The following PRDM16 variants were observed in gnomAD, a reference collection of about 807,000 sequenced individuals.
PRDM16 encodes PR/SET domain 16.
PRDM16 carries 23 observed loss-of-function variants against 110.6 expected under a neutral mutation model. The ratio of observed to expected loss-of-function variants is 0.21; its 90% CI spans 0.15 to 0.29. The LOEUF (loss-of-function observed/expected upper bound fraction) is 0.29, where lower values mean the gene tolerates loss of function less well. PRDM16 is among the 10% of genes least tolerant of loss of function. The probability of loss-of-function intolerance (pLI) is 1.00; values close to 1 mark genes in which losing one functional copy is unlikely to be tolerated. For missense variants in PRDM16, 1,615 were observed against 1,794.3 expected (o/e 0.90, Z 1.81); for synonymous variants, 799 against 781.8 (o/e 1.02, Z -0.37).
chr1:3,155,263 C>T lies in PRDM16; in HGVS notation c.38-30862C>T, dbSNP rs138275597. Among the ~76,000 whole-genome samples, 158 of 152,362 alleles carry T rather than the reference C, an allele frequency of 1.0e-3. 1 individual carries two copies. The highest frequency in any genetic ancestry group is 3.8e-3 in the African/African-American group (158 of 41,594). On this transcript the variant is annotated intron_variant, in intron 1 of 16. Transcript: ENST00000270722. The stretch of plus-strand genomic sequence containing the variant: ...AAGGCAGGCGGTGGGACCCGGGGCC[C>T]ATGGCTCCTTTCTTGGAGGGTTTTG...
At chr1:3,225,425 C>T (rs969553229) in intron 2 of PRDM16, among the ~76,000 whole-genome samples, 3 of 152,106 alleles carry the variant, frequency 2.0e-5, no homozygotes, top group Admixed American at 1.3e-4. Context: ...CGCTGGTCCC[C>T]GTCGGCCTCT....
rs1639734802 is a variant in PRDM16 at position 3,244,133 on chromosome 1, C to T, written c.434C>T (p.Thr145Ile). 6.2e-7 allele frequency: 1 copy of T among 1,613,714 alleles called. No individual in the cohort carries two copies. Among genetic ancestry groups the T allele is most frequent in the Non-Finnish European group, 8.5e-7 (1 of 1,179,992 alleles). The change falls in exon 3 of 17, where the codon ACA becomes ATA. Residue 145 changes from threonine (T) to isoleucine (I), a missense_variant. Transcript: ENST00000270722. The surrounding 1 kb of genome is among the most constrained non-coding windows in gnomAD (Gnocchi z 4.1). ...VEVSPQEGCI[T>I]KISEDLGSEK... ...GTGTCGCCCCAGGAAGGCTGCATCACAAAGGTAGGAGAGCTCGCCCTGCGC... is the reference window on the plus strand; with the variant it reads ...GTGTCGCCCCAGGAAGGCTGCATCATAAAGGTAGGAGAGCTCGCCCTGCGC...
chr1:3,211,935 G>A (rs1222057954), intron 2 of PRDM16, among the ~76,000 whole-genome samples: 1 of 152,228 alleles, frequency 6.6e-6, no homozygotes, highest in Non-Finnish European at 1.5e-5. Flanking sequence ...TCGCTGCAGT[G>A]GGCAACATGG....
chr1:3,140,301 A>G (rs1643523607), intron 1 of PRDM16, among the ~76,000 whole-genome samples: 1 of 152,070 alleles, frequency 6.6e-6, no homozygotes, highest in African/African-American at 2.4e-5. Flanking sequence ...GACAGCATCA[A>G]TTTGATTTAA....
chr1:3,206,167 C>G lies in PRDM16; in HGVS notation c.387+19693C>G, dbSNP rs2100836464. On this transcript the variant is annotated intron_variant, in intron 2 of 16. Coordinates refer to ENST00000270722, the MANE Select transcript of PRDM16 (RefSeq NM_022114.4). The surrounding 1 kb of genome is among the most constrained non-coding windows in gnomAD (Gnocchi z 4.9). The stretch of plus-strand genomic sequence containing the variant: ...CGGAGGCCACAGAGCTGGGGTGAAC[C>G]TACTCTGGGAGAACCAACACCCCAC... The G allele has an allele frequency of 6.6e-6, 1 of 152,358 alleles. No individual in the cohort carries two copies. The highest frequency in any genetic ancestry group is 2.1e-4 in the South Asian group (1 of 4,824). 9.4% of individuals were successfully genotyped at this position (152,358 alleles called of 1,614,324 possible). A position where few individuals can be genotyped will look rare whatever the true frequency, so the allele number is the denominator to read the frequency against.
chr1:3,422,283 ACAGACAGGCAGG>A (rs1250853957), intron 12 of PRDM16, among the ~76,000 whole-genome samples: 7 of 150,966 alleles, frequency 4.6e-5, no homozygotes, highest in Non-Finnish European at 1.0e-4. Flanking sequence ...AGACAGATGG[ACAGACAGGCAGG>A]CAGACAGACA....
At chr1:3,130,188 C>G (rs554259534) in intron 1 of PRDM16, among the ~76,000 whole-genome samples, 68 of 152,328 alleles carry the variant, frequency 4.5e-4, no homozygotes, top group South Asian at 1.0e-3. Flanking sequence ...GCAGAGCCCT[C>G]TGTCCCTGTC....
In PRDM16 at chr1:3,081,615, G is replaced by T. The variant is rs974901593; in HGVS notation, c.37+12319G>T. Among the ~76,000 whole-genome samples, 1 of 152,180 alleles carries T rather than the reference G, an allele frequency of 6.6e-6. No homozygotes were observed. Among genetic ancestry groups the T allele is most frequent in the African/African-American group, 2.4e-5 (1 of 41,446 alleles). On this transcript the variant is annotated intron_variant, in intron 1 of 16. Transcript: ENST00000270722. The surrounding 1 kb of genome is among the most constrained non-coding windows in gnomAD (Gnocchi z 4.6). ...GTTGGTCTTCCTTCTGTGAGCACGG[G>T]GGGTGAGCAGTGGGCAGCTCCAGGA...
At chr1:3,399,946 C>T (rs547083072) in intron 5 of PRDM16, among the ~76,000 whole-genome samples, 3 of 152,308 alleles carry the variant, frequency 2.0e-5, no homozygotes, top group South Asian at 2.1e-4. Flanking sequence ...CCCAGGTCTG[C>T]GGGTTGGCTG....
At chr1:3,200,892 A>G (rs1000451868) in intron 2 of PRDM16, among the ~76,000 whole-genome samples, 3 of 151,950 alleles carry the variant, frequency 2.0e-5, no homozygotes, top group Non-Finnish European at 4.4e-5. Flanking sequence ...GACGAGGACA[A>G]GAGCCGAACC....
chr1:3,154,451 G>A (rs1736518), intron 1 of PRDM16, among the ~76,000 whole-genome samples: 6 of 152,264 alleles, frequency 3.9e-5, no homozygotes, highest in South Asian at 4.1e-4. Context: ...TTGTCAGGAC[G>A]GCCAAGGGCT....
At chr1:3,181,712 ACACG>A (rs1644200766) in intron 1 of PRDM16, among the ~76,000 whole-genome samples, 1 of 128,744 alleles carries the variant, frequency 7.8e-6, no homozygotes, top group South Asian at 2.7e-4. Flanking sequence ...ACGGTCTTAC[ACACG>A]CAGTCTTACA....
intron 3 of PRDM16, among the ~76,000 whole-genome samples, chr1:3,269,790 C>CCCGGAGGAGGACAGTCGGGAGGACAG (rs1282869851): frequency 1.4e-5 from 2 of 145,290 alleles, no homozygotes; most frequent in African/African-American, 2.6e-5. Context: ...GGAGGAAAGT[C>CCCGGAGGAGGACAGTCGGGAGGACAG]TCAGAGGAGG....
chr1:3,246,608 C>T lies in PRDM16; in HGVS notation c.438+2471C>T, dbSNP rs1376971123. Among the ~76,000 whole-genome samples the T allele has an allele frequency of 6.6e-6, 1 of 152,224 alleles. No homozygotes were observed. Among genetic ancestry groups the T allele is most frequent in the Non-Finnish European group, 1.5e-5 (1 of 68,038 alleles). The stretch of plus-strand genomic sequence containing the variant: ...TGGAGGAGGCACCCAAGTCCTCAGG[C>T]ACAGCTCCACCAGAGGGGGAGGCTG... On this transcript the variant is annotated intron_variant, in intron 3 of 16. Coordinates refer to ENST00000270722, the MANE Select transcript of PRDM16 (RefSeq NM_022114.4). The surrounding 1 kb of genome is among the most constrained non-coding windows in gnomAD (Gnocchi z 5.2).
chr1:3,168,436 C>A (rs1391975444), intron 1 of PRDM16, among the ~76,000 whole-genome samples: 1 of 149,380 alleles, frequency 6.7e-6, no homozygotes, highest in Non-Finnish European at 1.5e-5. Flanking sequence ...AATCTTACAA[C>A]CCCCGCGGTG....
chr1:3,236,287 G>T (rs75476550), intron 2 of PRDM16, among the ~76,000 whole-genome samples: 1 of 152,180 alleles, frequency 6.6e-6, no homozygotes, highest in Non-Finnish European at 1.5e-5. Context: ...GGCCTGGCGG[G>T]GGGTGGCTTC....
intron 4 of PRDM16, among the ~76,000 whole-genome samples, chr1:3,393,672 G>A (rs1408376847): frequency 2.0e-5 from 3 of 152,182 alleles, no homozygotes; most frequent in African/African-American, 4.8e-5. Context: ...TGGCGTTCTC[G>A]GCGCGTCTGG....
At chr1:3,399,048 A>G (rs1000268030) in intron 5 of PRDM16, among the ~76,000 whole-genome samples, 6 of 152,188 alleles carry the variant, frequency 3.9e-5, no homozygotes, top group African/African-American at 1.4e-4. Context: ...GATTCAGACC[A>G]CGGGGAAGCC....
intron 14 of PRDM16, among the ~76,000 whole-genome samples, chr1:3,428,683 C>G (rs887450165): frequency 6.6e-6 from 1 of 152,218 alleles, no homozygotes; most frequent in African/African-American, 2.4e-5. Flanking sequence ...CCTCCGCCAT[C>G]AGGAAGGATC....
Sources: gnomAD v4.1 joint callset for allele counts (sites outside exome capture counted in the v4.1 genomes callset) on GRCh38, gnomAD v4.1.1 for gene constraint, Gnocchi (gnomAD v3.1) non-coding constraint, MANE v1.5 for transcripts, NCBI Gene and HGNC (gene_info 2026-07-23, HGNC 2026-07-21) for gene names.